The following ADCY8 variants were observed in gnomAD, a reference collection of about 807,000 sequenced individuals.
ADCY8 encodes adenylate cyclase type 8.
ADCY8 carries 51 observed loss-of-function variants against 119.7 expected under a neutral mutation model. That is an observed-to-expected ratio of 0.43 (90% CI 0.34 to 0.54). The LOEUF is 0.54. Among genes scored for constraint, ADCY8 ranks in the 20% least tolerant of loss-of-function variants. ADCY8 has a pLI of 0.03. For missense variants in ADCY8, 1,383 were observed against 1,598.8 expected, an observed-to-expected ratio of 0.87 and a Z score of 2.30; for synonymous variants, 665 against 651.0, an observed-to-expected ratio of 1.02 and a Z score of -0.33.
intron 1 of ADCY8, among the ~76,000 whole-genome samples, chr8:131,035,235 C>T (rs1188646069): frequency 2.0e-5 from 3 of 152,054 alleles, no homozygotes; most frequent in East Asian, 1.9e-4. Flanking sequence ...AAGAAAGAAA[C>T]GATTGTAGCC....
At chr8:130,821,788 C>T (rs937810471) in intron 12 of ADCY8, among the ~76,000 whole-genome samples, 1 of 152,136 alleles carries the variant, frequency 6.6e-6, no homozygotes, top group Non-Finnish European at 1.5e-5. Flanking sequence ...GCTAAAAAAA[C>T]CTTCCCAGCT....
intron 15 of ADCY8, among the ~76,000 whole-genome samples, chr8:130,797,993 A>C (rs1815639085): frequency 6.6e-6 from 1 of 152,034 alleles, no homozygotes; most frequent in South Asian, 2.1e-4. Context: ...GTGGTATGTG[A>C]CTCTGGTCAT....
intron 11 of ADCY8, among the ~76,000 whole-genome samples, chr8:130,846,677 C>A (rs9720531): frequency 1.5e-5 from 2 of 133,656 alleles, no homozygotes; most frequent in Non-Finnish European, 3.2e-5. Flanking sequence ...TCTTTCTTTC[C>A]TTCCCCTTCC....
intron 14 of ADCY8, among the ~76,000 whole-genome samples, chr8:130,811,869 G>C (rs2130160797): frequency 6.6e-6 from 1 of 152,278 alleles, no homozygotes. Context: ...ACCTTCCCTT[G>C]GGAGTCTCAC....
intron 1 of ADCY8, among the ~76,000 whole-genome samples, chr8:131,020,500 T>C (rs1001017027): frequency 2.0e-5 from 3 of 152,210 alleles, no homozygotes; most frequent in South Asian, 2.1e-4. Flanking sequence ...GCTGAATTCA[T>C]TGAGATCAAG....
chr8:130,943,497 G>GGGGGGGCCCC, intron 3 of ADCY8, 35 bp from the exon 4 acceptor site: 8 of 491,336 alleles, frequency 1.6e-5, no homozygotes, highest in Non-Finnish European at 2.1e-5. Context: ...GTGGGGGGAG[G>GGGGGGGCCCC]AAGTATATTA....
chr8:130,802,371 C>G (rs568647906), intron 14 of ADCY8, among the ~76,000 whole-genome samples: 10 of 152,182 alleles, frequency 6.6e-5, no homozygotes, highest in African/African-American at 9.6e-5. Flanking sequence ...GGGCTCTTCC[C>G]ATTTTCCTTC....
chr8:130,885,764 C>T (rs979969555), intron 7 of ADCY8, among the ~76,000 whole-genome samples: 3 of 152,068 alleles, frequency 2.0e-5, no homozygotes, highest in Non-Finnish European at 4.4e-5. Context: ...GAGGATGCCA[C>T]GCATCTGTAG....
chr8:131,039,583 C>T lies in ADCY8; in HGVS notation c.751G>A (p.Val251Met), dbSNP rs763172694. The T allele has an allele frequency of 6.2e-7, 1 of 1,613,900 alleles. No individual in the cohort carries two copies. The highest frequency in any genetic ancestry group is 8.5e-7 in the Non-Finnish European group (1 of 1,180,018). Residue 251 changes from valine to methionine, a missense_variant, in exon 1 of 18, where the codon GTG (valine) becomes ATG (methionine). Physicochemically the swap from Val to Met is conservative, Grantham distance 21. This residue lies in a region of ADCY8 where 455 missense variants were observed against 435.3 expected (regional missense o/e 1.05). Transcript: ENST00000286355. ...YLQYSGVVTW[V>M]AMTTQILAAG... The stretch of plus-strand genomic sequence containing the variant: ...GCCAGGATCTGGGTGGTCATGGCCA[C>T]CCAGGTGACCACGCCGCTGTACTGC...
chr8:130,793,216 C>T (rs965058692), intron 15 of ADCY8, among the ~76,000 whole-genome samples: 2 of 152,138 alleles, frequency 1.3e-5, no homozygotes, highest in Admixed American at 6.5e-5. Flanking sequence ...ATCAGTTCCA[C>T]GTCCTCATCT....
At chr8:131,015,417 T>C (rs1249450557) in intron 1 of ADCY8, among the ~76,000 whole-genome samples, 1 of 152,184 alleles carries the variant, frequency 6.6e-6, no homozygotes, top group East Asian at 1.9e-4. Context: ...ACTATGCAGG[T>C]ATCCAAAGGA....
intron 2 of ADCY8, among the ~76,000 whole-genome samples, chr8:130,968,156 T>G (rs1821817628): frequency 1.3e-5 from 2 of 151,360 alleles, no homozygotes. Context: ...ATAAAAAAAA[T>G]GACTAAAAGT....
At chr8:130,811,036 TTC>T (rs1227483175) in intron 14 of ADCY8, among the ~76,000 whole-genome samples, 1 of 152,186 alleles carries the variant, frequency 6.6e-6, no homozygotes, top group Non-Finnish European at 1.5e-5. Flanking sequence ...CACACTGATA[TTC>T]TCTCTGCTTC....
intron 12 of ADCY8, among the ~76,000 whole-genome samples, chr8:130,823,331 C>T (rs263261): frequency 0.21 from 32,176 of 152,066 alleles, 4,262 homozygotes; most frequent in South Asian, 0.43. Context: ...GTAAGTCAGC[C>T]AGGCTGAGGA....
intron 4 of ADCY8, among the ~76,000 whole-genome samples, chr8:130,940,984 T>G (rs1820938272): frequency 6.6e-6 from 1 of 152,344 alleles, no homozygotes; most frequent in Admixed American, 6.5e-5. Flanking sequence ...GATGTTTGAA[T>G]TTTATGTAAT....
chr8:130,869,508 A>C (rs5026641), intron 8 of ADCY8, among the ~76,000 whole-genome samples: 1 of 137,102 alleles, frequency 7.3e-6, no homozygotes, highest in South Asian at 2.2e-4. Flanking sequence ...TATTTTGTTT[A>C]TTTTTTTTTG....
intron 9 of ADCY8, among the ~76,000 whole-genome samples, chr8:130,852,282 G>A (rs1817556954): frequency 6.6e-6 from 1 of 152,128 alleles, no homozygotes. Flanking sequence ...GACTAGCAAA[G>A]TTTTGATTTT....
intron 12 of ADCY8, among the ~76,000 whole-genome samples, chr8:130,823,452 T>A (rs1307355922): frequency 2.0e-5 from 3 of 152,204 alleles, no homozygotes. Flanking sequence ...TGTATTATAA[T>A]GTTTTGCTTA....
At chr8:131,028,896 G>A (rs73350463) in intron 1 of ADCY8, among the ~76,000 whole-genome samples, 4,338 of 152,272 alleles carry the variant, frequency 0.028, 86 homozygotes, top group African/African-American at 0.043. Flanking sequence ...GTACCTGTAT[G>A]TACCCAGATG....
Sources: allele counts gnomAD v4.1 joint callset (sites outside exome capture counted in the v4.1 genomes callset), GRCh38; gene constraint gnomAD v4.1.1; regional missense constraint gnomAD v4.1.1; transcripts MANE v1.5; gene names NCBI Gene and HGNC (gene_info 2026-07-23, HGNC 2026-07-21).